The following CNOT6 variants were observed in gnomAD, a reference collection of about 807,000 sequenced individuals.
The protein encoded by CNOT6 is carbon catabolite repression 4 protein.
A neutral mutation model predicts 61.2 loss-of-function variants in CNOT6; 12 were observed. The observed-to-expected ratio is 0.20, with a 90% confidence interval of 0.13 to 0.32. CNOT6 has a LOEUF of 0.32. Ranked by LOEUF, CNOT6 falls within the 10% of genes least tolerant of loss-of-function variation. The probability of loss-of-function intolerance (pLI) is 1.00; values close to 1 mark genes in which losing one functional copy is unlikely to be tolerated. For synonymous variants in CNOT6, 225 were observed against 240.6 expected (o/e 0.94, Z 0.60); for missense variants, 405 against 663.9 (o/e 0.61, Z 4.28).
chr5:180,503,268 T>TC (rs1157413089), intron 1 of CNOT6, among the ~76,000 whole-genome samples: 3 of 150,728 alleles, frequency 2.0e-5, no homozygotes, highest in African/African-American at 4.9e-5. Flanking sequence ...TTTTCTTTTT[T>TC]TTTTTTTTTT....
At chr5:180,495,904 CTTTAT>C (rs1756590376) in intron 1 of CNOT6, 1 of 152,022 alleles carries the variant, frequency 6.6e-6, no homozygotes, top group Non-Finnish European at 1.5e-5. Context: ...TTATCACAGT[CTTTAT>C]TTAATTTATT....
intron 9 of CNOT6, among the ~76,000 whole-genome samples, chr5:180,568,421 T>G (rs1760572533): frequency 6.6e-6 from 1 of 151,768 alleles, no homozygotes; most frequent in Non-Finnish European, 1.5e-5. Flanking sequence ...GGTGTGGTGG[T>G]GGGCGCCTGT....
chr5:180,544,598 A>C (rs1156598280), intron 2 of CNOT6, among the ~76,000 whole-genome samples: 1 of 151,650 alleles, frequency 6.6e-6, no homozygotes, highest in East Asian at 1.9e-4. Context: ...GCTACCTTCT[A>C]CCTTCTTGAA....
intron 2 of CNOT6, among the ~76,000 whole-genome samples, chr5:180,536,913 G>A (rs1758725413): frequency 6.6e-6 from 1 of 152,194 alleles, no homozygotes; most frequent in Non-Finnish European, 1.5e-5. Flanking sequence ...GAGCCACTGT[G>A]CCCAGCCAGC....
At chr5:180,500,304 GTC>G (rs1458506821) in intron 1 of CNOT6, among the ~76,000 whole-genome samples, 1 of 151,852 alleles carries the variant, frequency 6.6e-6, no homozygotes, top group Admixed American at 6.6e-5. Context: ...TAGAGATGAG[GTC>G]TCTCTACGTT....
At chr5:180,554,277 G>A (rs1411634241) in intron 4 of CNOT6, among the ~76,000 whole-genome samples, 4 of 152,204 alleles carry the variant, frequency 2.6e-5, no homozygotes, top group Admixed American at 1.3e-4. Context: ...AGTCAGCTTG[G>A]CATGGTGGTT....
Position 180,574,157 on chromosome 5 carries a change from T to A in CNOT6, c.1631T>A (p.Phe544Tyr). ...GCACAACTGGAGCTCTTACTGCCTT[T>A]CCTGCCCCAAGTCAACGGCATCCAC... ...LFAQLELLLPFLPQVNGIHLP... is the reference protein window; with the variant it reads ...LFAQLELLLPYLPQVNGIHLP... The change falls in exon 12 of 12, where the codon TTC becomes TAC. Residue 544 changes from phenylalanine (F) to tyrosine (Y), a missense_variant. This residue lies in a region of CNOT6 where 52 missense variants were observed against 69.3 expected (regional missense o/e 0.75). Transcript: ENST00000261951. The A allele has an allele frequency of 6.2e-7, 1 of 1,614,136 alleles. No individual in the cohort carries two copies. The highest frequency in any genetic ancestry group is 8.5e-7 in the Non-Finnish European group (1 of 1,180,022).
intron 4 of CNOT6, among the ~76,000 whole-genome samples, chr5:180,559,872 A>G (rs1036589268): frequency 2.6e-5 from 4 of 151,856 alleles, no homozygotes; most frequent in African/African-American, 7.3e-5. Context: ...AGCTCTCTTT[A>G]CATCCTTTTA....
At chr5:180,541,642 C>T (rs755084681) in intron 2 of CNOT6, among the ~76,000 whole-genome samples, 3 of 151,284 alleles carry the variant, frequency 2.0e-5, no homozygotes, top group Non-Finnish European at 4.4e-5. Flanking sequence ...TTAGTGAAGA[C>T]GGGGTTTCAC....
chr5:180,578,145 TA>T lies in CNOT6; in HGVS notation c.*3947del, dbSNP rs1761090234. ...CATGATATGGGGAAATGGTGTAAAC[TA>T]ATGTATTTCTTTATTGGCTGTTATT... On this transcript the variant is annotated 3_prime_UTR_variant, in exon 12 of 12. Transcript: ENST00000261951. The T allele has an allele frequency of 6.6e-6, 1 of 152,664 alleles. No individual in the cohort carries two copies. Among genetic ancestry groups the T allele is most frequent in the Non-Finnish European group, 1.5e-5 (1 of 68,046 alleles). 9.5% of individuals were successfully genotyped at this position (152,664 alleles called of 1,614,324 possible).
At position 180,549,871 on chromosome 5, in the gene CNOT6, C is replaced by T. The variant is rs974844666; in HGVS notation, c.113-60C>T. On this transcript the variant is annotated intron_variant, in intron 2 of 11. Coordinates refer to ENST00000261951, the MANE Select transcript of CNOT6 (RefSeq NM_001370472.1). Reference sequence around the variant, plus strand: ...AAAAACATCTAAATCTTACTGAAATCTACAGAACAAAATGTAGAGAAAACT... The same window carrying T: ...AAAAACATCTAAATCTTACTGAAATTTACAGAACAAAATGTAGAGAAAACT... The T allele has an allele frequency of 1.1e-5, 14 of 1,285,054 alleles. No individual in the cohort carries two copies. In the South Asian group the frequency reaches 1.7e-4, roughly 16 times the overall value. 79.6% of individuals were successfully genotyped at this position (1,285,054 alleles called of 1,614,324 possible).
chr5:180,505,579 G>T (rs1287237672), intron 1 of CNOT6, among the ~76,000 whole-genome samples: 1 of 130,350 alleles, frequency 7.7e-6, no homozygotes, highest in Admixed American at 8.8e-5. Flanking sequence ...ACGGAGTCTG[G>T]CTCTGTCGCC....
intron 1 of CNOT6, among the ~76,000 whole-genome samples, chr5:180,509,534 C>G (rs903805728): frequency 2.0e-5 from 3 of 151,782 alleles, no homozygotes; most frequent in Admixed American, 1.3e-4. Context: ...ACCTCTGCCT[C>G]CGGGTTCAAG....
chr5:180,563,580 C>A (rs1760301008), intron 4 of CNOT6, among the ~76,000 whole-genome samples: 2 of 152,230 alleles, frequency 1.3e-5, no homozygotes, highest in South Asian at 4.2e-4. Flanking sequence ...AAAAACACTT[C>A]CTTTAGGTTT....
At chr5:180,522,462 T>C (rs948948437) in intron 1 of CNOT6, among the ~76,000 whole-genome samples, 3 of 152,194 alleles carry the variant, frequency 2.0e-5, no homozygotes, top group Non-Finnish European at 2.9e-5. Context: ...TTTTTCACAA[T>C]GGCTAAACTA....
chr5:180,510,117 G>C (rs937328344), intron 1 of CNOT6, among the ~76,000 whole-genome samples: 10 of 116,474 alleles, frequency 8.6e-5, no homozygotes, highest in Non-Finnish European at 1.5e-4. Context: ...CCTAAATGAG[G>C]TTTATCGTCT....
At chr5:180,552,679 T>C (rs1422437213) in intron 3 of CNOT6, among the ~76,000 whole-genome samples, 1 of 151,766 alleles carries the variant, frequency 6.6e-6, no homozygotes, top group African/African-American at 2.4e-5. Flanking sequence ...TAAAACTGCA[T>C]GCGTTACATT....
chr5:180,528,089 A>AT (rs35798348), intron 1 of CNOT6, among the ~76,000 whole-genome samples: 70,852 of 151,890 alleles, frequency 0.47, 17,534 homozygotes, highest in Non-Finnish European at 0.56. Flanking sequence ...TTGTAGCCTG[A>AT]CTATCCATTT....
At chr5:180,507,186 G>A (rs1408655441) in intron 1 of CNOT6, among the ~76,000 whole-genome samples, 1 of 152,144 alleles carries the variant, frequency 6.6e-6, no homozygotes, top group Non-Finnish European at 1.5e-5. Context: ...GGGGTAAGTG[G>A]GAATTAGGGA....
Sources: allele counts gnomAD v4.1 joint callset (sites outside exome capture counted in the v4.1 genomes callset), GRCh38; gene constraint gnomAD v4.1.1; regional missense constraint gnomAD v4.1.1; transcripts MANE v1.5; gene names NCBI Gene and HGNC (gene_info 2026-07-23, HGNC 2026-07-21).